The following WFDC2 variants were observed in gnomAD, a reference collection of about 807,000 sequenced individuals.
WFDC2 encodes WAP four-disulfide core domain 2.
In WFDC2, 8 loss-of-function variants were observed where a neutral mutation model predicts 12.5. The observed-to-expected ratio is 0.64, with a 90% CI of 0.37 to 1.15. WFDC2 has a LOEUF of 1.15. WFDC2 is among the 50% of genes most tolerant of loss of function. The pLI, the probability that WFDC2 is intolerant of heterozygous loss-of-function variation, is 0.01. For missense variants in WFDC2, 166 were observed against 159.9 expected, an observed-to-expected ratio of 1.04 and a Z score of -0.21; for synonymous variants, 74 against 67.2, an observed-to-expected ratio of 1.10 and a Z score of -0.49.
At chr20:45,471,935 C>T (rs1342808470) in intron 2 of WFDC2, among the ~76,000 whole-genome samples, 1 of 152,120 alleles carries the variant, frequency 6.6e-6, no homozygotes, top group African/African-American at 2.4e-5. Context: ...GGCATGAGGA[C>T]TAAATGAAAT....
chr20:45,479,793 A>G, intron 2 of WFDC2, 149 bp from the exon 3 acceptor site: 1 of 1,613,622 alleles, frequency 6.2e-7, no homozygotes, highest in Admixed American at 1.7e-5. Flanking sequence ...GCCTCCTGAG[A>G]GCAGCTCAGG....
At chr20:45,478,480 G>A (rs557336661) in intron 2 of WFDC2, among the ~76,000 whole-genome samples, 6 of 152,160 alleles carry the variant, frequency 3.9e-5, no homozygotes, top group Admixed American at 6.5e-5. Flanking sequence ...CTCGCCCTCC[G>A]TGGGCTGCAC....
chr20:45,477,765 C>T (rs1347824638), intron 2 of WFDC2, among the ~76,000 whole-genome samples: 1 of 152,220 alleles, frequency 6.6e-6, no homozygotes, highest in Non-Finnish European at 1.5e-5. Context: ...TCCACAGCTG[C>T]CCCTTCCCCC....
At chr20:45,481,076 T>C (rs546642170) in intron 3 of WFDC2, among the ~76,000 whole-genome samples, 6 of 152,266 alleles carry the variant, frequency 3.9e-5, no homozygotes, top group Admixed American at 6.5e-5. Flanking sequence ...GAAATGGCCA[T>C]GACCCCTCAG....
At chr20:45,479,376 A>C in intron 2 of WFDC2, 1 of 470,150 alleles carries the variant, frequency 2.1e-6, no homozygotes, top group Non-Finnish European at 3.8e-6. Flanking sequence ...GTGTGACCTT[A>C]GGCAAATTAC....
intron 2 of WFDC2, among the ~76,000 whole-genome samples, chr20:45,476,991 C>T (rs1013188800): frequency 6.6e-6 from 1 of 151,852 alleles, no homozygotes; most frequent in Non-Finnish European, 1.5e-5. Flanking sequence ...GTATAGGCTT[C>T]ATGACGTTCT....
At chr20:45,480,529 A>G (rs1991289767) in intron 3 of WFDC2, among the ~76,000 whole-genome samples, 1 of 151,882 alleles carries the variant, frequency 6.6e-6, no homozygotes, top group Non-Finnish European at 1.5e-5. Flanking sequence ...AGGCAGGAGA[A>G]TTGCTTGAAC....
intron 2 of WFDC2, chr20:45,471,322 A>G (rs547288565): frequency 4.0e-4 from 150 of 376,240 alleles, no homozygotes; most frequent in African/African-American, 2.9e-3. Flanking sequence ...CTATCAGAAC[A>G]GGGGGTGGCT....
intron 2 of WFDC2, among the ~76,000 whole-genome samples, chr20:45,478,825 C>T (rs1282890560): frequency 2.0e-5 from 3 of 151,946 alleles, no homozygotes; most frequent in South Asian, 2.1e-4. Context: ...CGGGGGGTCT[C>T]GAGTCCTGAC....
chr20:45,474,799 G>T (rs970597980), intron 2 of WFDC2, among the ~76,000 whole-genome samples: 8 of 152,252 alleles, frequency 5.3e-5, no homozygotes, highest in African/African-American at 1.9e-4. Context: ...CTGTGAATCT[G>T]TCTGGTCCCA....
In WFDC2 at chr20:45,470,637, C is replaced by T. The variant is rs990168280; in HGVS notation, c.223+105C>T. ...ACAGGGGCGCCCCCGGACCCGGGGA[C>T]CCCCGGGAAAGTCAAGGCGGTTGAA... On this transcript the variant is annotated intron_variant, in intron 2 of 3. Coordinates refer to ENST00000372676, the MANE Select transcript of WFDC2 (RefSeq NM_006103.4). The surrounding 1 kb of genome is among the most constrained non-coding windows in gnomAD (Gnocchi z 5.4). 7.0e-7 allele frequency: 1 copy of T among 1,421,270 alleles called. No homozygotes were observed. Among genetic ancestry groups the T allele is most frequent in the Non-Finnish European group, 9.3e-7 (1 of 1,078,596 alleles). The allele number at this position is 1,421,270 out of a possible 1,614,324, so 88.0% of individuals were successfully genotyped here. A position where few individuals can be genotyped will look rare whatever the true frequency, so the allele number is the denominator to read the frequency against.
rs1212434390 is a variant in WFDC2, at chr20:45,480,018, C to T, written c.300C>T (p.Asp100=). 1 of 1,614,224 alleles carries T rather than the reference C, an allele frequency of 6.2e-7. No individual in the cohort carries two copies. The highest frequency in any genetic ancestry group is 8.5e-7 in the Non-Finnish European group (1 of 1,180,034). Residue 100 remains aspartate, a synonymous_variant, in exon 3 of 4, where the codon GAC becomes GAT. Transcript: ENST00000372676. ...LGLCRDQCQV[D]SQCPGQMKCC... is the part of the protein sequence containing the mutation. ...TCTGTCGGGACCAGTGCCAGGTGGA[C>T]AGCCAGTGTCCTGGCCAGATGAAAT...
rs903130897 is a variant in WFDC2, at chr20:45,470,566, G to C, written c.223+34G>C. On this transcript the variant is annotated intron_variant, in intron 2 of 3. Transcript: ENST00000372676. The surrounding 1 kb of genome is among the most constrained non-coding windows in gnomAD (Gnocchi z 5.4). ...ACGGCGGCCGAGCGGGAACGGGGCG[G>C]GGCCGCGCTGGGCTGGGAGGAGGTG... 5 of 1,545,684 alleles carry C rather than the reference G, an allele frequency of 3.2e-6. No homozygotes were observed. The highest frequency in any genetic ancestry group is 4.4e-6 in the Non-Finnish European group (5 of 1,141,564).
At chr20:45,479,888 T>C (rs369104885) in intron 2 of WFDC2, 54 bp from the exon 3 acceptor site, 84 of 1,613,966 alleles carry the variant, frequency 5.2e-5, no homozygotes, top group Non-Finnish European at 6.9e-5. Flanking sequence ...CAGGTACAAG[T>C]TAATCTCCCT....
In WFDC2 at chr20:45,469,773, CA is replaced by C; in HGVS notation, c.-8del. On this transcript the variant is annotated 5_prime_UTR_variant, in exon 1 of 4. Coordinates refer to ENST00000372676, the MANE Select transcript of WFDC2 (RefSeq NM_006103.4). ...GGCTCACACCTGCACCCCGCCCGGG[CA>C]TAGCACCATGCCTGCTTGTCGCCTA... 2.5e-6 allele frequency: 4 copies of C among 1,605,926 alleles called. No homozygotes were observed. The highest frequency in any genetic ancestry group is 3.4e-6 in the Non-Finnish European group (4 of 1,176,496).
At chr20:45,474,786 C>T (rs567023178) in intron 2 of WFDC2, among the ~76,000 whole-genome samples, 3 of 152,264 alleles carry the variant, frequency 2.0e-5, no homozygotes, top group South Asian at 2.1e-4. Context: ...TGGTGGAATT[C>T]GGCTGTGAAT....
Position 45,469,875 on chromosome 20 carries a change from G to A in WFDC2, c.79+15G>A, listed in dbSNP as rs767831930. Reference sequence around the variant, plus strand: ...CCTAGTCTCAGGTGAGTGGGGCGGGGAGAGGCCCGGCGCCTAGAGGGGCCG... The same window carrying A: ...CCTAGTCTCAGGTGAGTGGGGCGGGAAGAGGCCCGGCGCCTAGAGGGGCCG... On this transcript the variant is annotated intron_variant, in intron 1 of 3. Coordinates refer to ENST00000372676, the MANE Select transcript of WFDC2 (RefSeq NM_006103.4). 5 of 1,595,280 alleles carry A rather than the reference G, an allele frequency of 3.1e-6. No homozygotes were observed. In the Admixed American group the frequency reaches 8.8e-5, roughly 28 times the overall value.
At position 45,470,701 on chromosome 20, in the gene WFDC2, G is replaced by GT. The variant is rs1203204127; in HGVS notation, c.223+170dup. ...GTCCTCTCCCTCGCACGGCCCAGGG[G>GT]TAGACAAAGGCGTCGTTGAAACGCA... is the stretch of plus-strand genomic sequence containing the variant. On this transcript the variant is annotated intron_variant, in intron 2 of 3. Transcript: ENST00000372676. This position sits in a 1 kb window ranked among gnomAD's most constrained non-coding sequence, Gnocchi z 5.4. Among the ~76,000 whole-genome samples the GT allele has an allele frequency of 9.2e-5, 14 of 152,142 alleles. No homozygotes were observed. The highest frequency in any genetic ancestry group is 5.2e-4 in the Admixed American group (8 of 15,292).
chr20:45,479,637 A>G (rs758171197), intron 2 of WFDC2: 13 of 1,589,332 alleles, frequency 8.2e-6, no homozygotes, highest in Non-Finnish European at 1.1e-5. Context: ...CTATGTTGTA[A>G]TTAGCACTGT....
Sources: gnomAD v4.1 joint callset for allele counts (sites outside exome capture counted in the v4.1 genomes callset) on GRCh38, gnomAD v4.1.1 for gene constraint, Gnocchi (gnomAD v3.1) non-coding constraint, MANE v1.5 for transcripts, NCBI Gene and HGNC (gene_info 2026-07-23, HGNC 2026-07-21) for gene names.